The following CHSY3 variants were observed in gnomAD, a reference collection of about 807,000 sequenced individuals.
CHSY3 encodes the protein N-acetylgalactosaminyl-proteoglycan 3-beta-glucuronosyltransferase 3.
A neutral mutation model predicts 67.2 loss-of-function variants in CHSY3; 35 were observed. The ratio of observed to expected loss-of-function variants is 0.52; its 90% CI spans 0.40 to 0.69. CHSY3 has a LOEUF of 0.69. CHSY3 is among the 30% of genes least tolerant of loss of function. The pLI is 0.00. For synonymous variants in CHSY3, 474 were observed against 434.7 expected (o/e 1.09, Z -1.12); for missense variants, 1,069 against 1,138.5 (o/e 0.94, Z 0.88).
rs1037411853 is a variant in CHSY3, at chr5:130,180,016, G to T, written c.1087-4213G>T. ...CTCTGAAACCAAATGTTGCCATCAG[G>T]GTTTATTCCGCCTGTCCAGCTCACC... is the stretch of plus-strand genomic sequence containing the variant. On this transcript the variant is annotated intron_variant, in intron 2 of 2. Transcript: ENST00000305031. Among the ~76,000 whole-genome samples the T allele has an allele frequency of 8.5e-5, 13 of 152,226 alleles. No individual in the cohort carries two copies. In the East Asian group the frequency reaches 1.4e-3, roughly 16 times the overall value.
chr5:130,096,184 G>A (rs1386739115), intron 2 of CHSY3, among the ~76,000 whole-genome samples: 2 of 152,014 alleles, frequency 1.3e-5, no homozygotes, highest in African/African-American at 4.8e-5. Flanking sequence ...ATATATATAT[G>A]TATTTTCAGA....
At chr5:130,182,886 T>C (rs559485949) in intron 2 of CHSY3, among the ~76,000 whole-genome samples, 3 of 152,180 alleles carry the variant, frequency 2.0e-5, no homozygotes, top group Non-Finnish European at 4.4e-5. Context: ...TTTTTCTCCC[T>C]TTTTTCCTTA....
At chr5:130,159,569 T>TA (rs1193042095) in intron 2 of CHSY3, among the ~76,000 whole-genome samples, 1 of 152,240 alleles carries the variant, frequency 6.6e-6, no homozygotes, top group East Asian at 1.9e-4. Flanking sequence ...AGCCTCTTCT[T>TA]ACTGCTTTTT....
intron 2 of CHSY3, among the ~76,000 whole-genome samples, chr5:130,121,380 G>C (rs1206896006): frequency 1.3e-5 from 2 of 152,148 alleles, no homozygotes; most frequent in African/African-American, 4.8e-5. Flanking sequence ...AATGTATTTA[G>C]AGAAATGATG....
At chr5:130,068,625 T>C (rs547235408) in intron 2 of CHSY3, among the ~76,000 whole-genome samples, 2 of 152,240 alleles carry the variant, frequency 1.3e-5, no homozygotes, top group Non-Finnish European at 2.9e-5. Context: ...GTAGAAAATA[T>C]GAAGCAAGTT....
At chr5:130,109,711 A>G (rs575316760) in intron 2 of CHSY3, among the ~76,000 whole-genome samples, 238 of 151,656 alleles carry the variant, frequency 1.6e-3, no homozygotes, top group African/African-American at 5.6e-3. Context: ...TTAAGTGCAT[A>G]TTTACTACTT....
Position 129,996,513 on chromosome 5 carries a change from G to T in CHSY3, c.1086+88153G>T, listed in dbSNP as rs115142878. On this transcript the variant is annotated intron_variant, in intron 2 of 2. Coordinates refer to ENST00000305031, the MANE Select transcript of CHSY3 (RefSeq NM_175856.5). ...GTTGTAGGACTTAATGCCATAAACA[G>T]TTTCTGTTTTTCAACAAATGTACTG... Among the ~76,000 whole-genome samples the T allele has an allele frequency of 4.7e-3, 711 of 152,236 alleles. 2 individuals carry two copies. Among genetic ancestry groups the T allele is most frequent in the African/African-American group, 0.015 (640 of 41,546 alleles).
At chr5:129,958,137 G>A (rs1333733892) in intron 2 of CHSY3, among the ~76,000 whole-genome samples, 2 of 152,120 alleles carry the variant, frequency 1.3e-5, no homozygotes, top group Non-Finnish European at 2.9e-5. Flanking sequence ...TTTTATGAAT[G>A]TGATACTCTT....
chr5:130,160,968 G>A (rs1220079958), intron 2 of CHSY3, among the ~76,000 whole-genome samples: 1 of 149,914 alleles, frequency 6.7e-6, no homozygotes, highest in African/African-American at 2.5e-5. Flanking sequence ...GCAGTGGCGC[G>A]ATCTCGGCTC....
intron 2 of CHSY3, among the ~76,000 whole-genome samples, chr5:129,965,157 G>A (rs766739035): frequency 5.9e-5 from 9 of 151,848 alleles, no homozygotes; most frequent in South Asian, 2.1e-4. Flanking sequence ...GTGGGTGCAC[G>A]TTATTTTGTG....
In CHSY3 at chr5:130,105,619, A is replaced by G. The variant is rs1767389991; in HGVS notation, c.1087-78610A>G. Among the ~76,000 whole-genome samples, 3 of 151,766 alleles carry G rather than the reference A, an allele frequency of 2.0e-5. No individual in the cohort carries two copies. The South Asian group carries it at 6.2e-4, about 31-fold the overall frequency. ...TTATGCACATTCCTATGCAGTGGCT[A>G]CTAACTAGATATTGTAAAATTACAT... On this transcript the variant is annotated intron_variant, in intron 2 of 2. Coordinates refer to ENST00000305031, the MANE Select transcript of CHSY3 (RefSeq NM_175856.5).
At chr5:130,171,827 C>T (rs1415483875) in intron 2 of CHSY3, among the ~76,000 whole-genome samples, 2 of 152,154 alleles carry the variant, frequency 1.3e-5, no homozygotes, top group East Asian at 1.9e-4. Context: ...TCATACAGAG[C>T]ATTAGTACAG....
intron 2 of CHSY3, among the ~76,000 whole-genome samples, chr5:130,039,940 C>G (rs902551741): frequency 1.3e-5 from 2 of 152,076 alleles, no homozygotes; most frequent in African/African-American, 4.8e-5. Context: ...TCAAGAGATT[C>G]TGGACGTGTG....
chr5:129,932,928 G>A (rs1249115157), intron 2 of CHSY3, among the ~76,000 whole-genome samples: 1 of 152,062 alleles, frequency 6.6e-6, no homozygotes, highest in African/African-American at 2.4e-5. Flanking sequence ...GGAGACATAG[G>A]TTTTTATATT....
At chr5:130,161,792 A>T (rs1769551418) in intron 2 of CHSY3, among the ~76,000 whole-genome samples, 1 of 152,250 alleles carries the variant, frequency 6.6e-6, no homozygotes, top group Middle Eastern at 3.4e-3. Context: ...TAATCCTAGC[A>T]CTCTGGGAGG....
chr5:130,033,251 T>C (rs746741094), intron 2 of CHSY3, among the ~76,000 whole-genome samples: 2 of 152,190 alleles, frequency 1.3e-5, no homozygotes, highest in African/African-American at 2.4e-5. Context: ...AGTTACAGTC[T>C]AGTGTAATCA....
intron 2 of CHSY3, among the ~76,000 whole-genome samples, 198 bp downstream of exon 2, chr5:129,908,558 T>C (rs1179785798): frequency 1.3e-5 from 2 of 152,138 alleles, no homozygotes; most frequent in East Asian, 1.9e-4. Flanking sequence ...GTTATTAGCA[T>C]GCCCCTTAAC....
chr5:130,101,897 C>T (rs1767256768), intron 2 of CHSY3, among the ~76,000 whole-genome samples: 1 of 152,124 alleles, frequency 6.6e-6, no homozygotes. Context: ...TGTCAAGCTT[C>T]ACTTGCTCCT....
intron 2 of CHSY3, among the ~76,000 whole-genome samples, chr5:130,030,560 A>G (rs1764677213): frequency 6.6e-6 from 1 of 152,162 alleles, no homozygotes; most frequent in Admixed American, 6.6e-5. Flanking sequence ...TTCTTTAGTC[A>G]TTATTATTTT....
Sources: allele counts gnomAD v4.1 joint callset (sites outside exome capture counted in the v4.1 genomes callset), GRCh38; gene constraint gnomAD v4.1.1; transcripts MANE v1.5; gene names NCBI Gene and HGNC (gene_info 2026-07-23, HGNC 2026-07-21).